The following IFIH1 variants were observed in gnomAD, a reference collection of about 807,000 sequenced individuals.
IFIH1 encodes interferon-induced helicase C domain-containing protein 1.
IFIH1 carries 125 observed loss-of-function variants against 107.4 expected under a neutral mutation model. The observed-to-expected ratio is 1.16, with a 90% CI of 1.01 to 1.35. IFIH1 has a LOEUF of 1.35. Ranked by LOEUF, IFIH1 falls within the 40% of genes most tolerant of loss-of-function variation. The pLI is 0.00. For synonymous variants in IFIH1, 458 were observed against 413.2 expected (o/e 1.11, Z -1.31); for missense variants, 1,333 against 1,213.7 (o/e 1.10, Z -1.46).
chr2:162,267,606 C>A (rs920865933), intron 14 of IFIH1, 37 bp from the exon 15 acceptor site: 11 of 1,430,146 alleles, frequency 7.7e-6, no homozygotes, highest in East Asian at 4.5e-5. Context: ...TCATGGAGAA[C>A]TGACAAAATA....
At chr2:162,292,118 GA>G (rs1176700119) in intron 4 of IFIH1, among the ~76,000 whole-genome samples, 2 of 151,796 alleles carry the variant, frequency 1.3e-5, no homozygotes, top group African/African-American at 2.4e-5. Context: ...TTTATTGAAT[GA>G]ATGGATATTA....
At chr2:162,270,897 G>A (rs1002057775) in intron 13 of IFIH1, among the ~76,000 whole-genome samples, 1 of 152,112 alleles carries the variant, frequency 6.6e-6, no homozygotes, top group African/African-American at 2.4e-5. Context: ...CTTGGAGTTG[G>A]TAATAGCAAT....
chr2:162,304,477 C>T (rs1193239459), intron 3 of IFIH1, among the ~76,000 whole-genome samples: 1 of 151,796 alleles, frequency 6.6e-6, no homozygotes, highest in Non-Finnish European at 1.5e-5. Context: ...CCCCGCCTGC[C>T]CCCAGAACCC....
Position 162,276,931 on chromosome 2 carries a change from A to G in IFIH1, c.2060T>C (p.Leu687Ser). 6.2e-7 allele frequency: 1 copy of G among 1,601,742 alleles called. No individual in the cohort carries two copies. The highest frequency in any genetic ancestry group is 8.5e-7 in the Non-Finnish European group (1 of 1,176,140). The change falls in exon 11 of 16, where the codon TTG becomes TCG. Residue 687 changes from leucine (L) to serine (S), a missense_variant. Coordinates refer to ENST00000649979, the MANE Select transcript of IFIH1 (RefSeq NM_022168.4). ...MTLFFENNKMLKRLAENPEYE... is the reference protein window; with the variant it reads ...MTLFFENNKMSKRLAENPEYE... ...TTCTGGGTTTTCAGCCAGCCTTTTC[A>G]ACATTTTATTGTTTTCTTTAAGAAA... is the stretch of plus-strand genomic sequence containing the variant.
chr2:162,267,527 C>T lies in IFIH1; in HGVS notation c.2850G>A (p.Lys950=). 2.5e-6 allele frequency: 4 copies of T among 1,613,884 alleles called. No homozygotes were observed. Among genetic ancestry groups the T allele is most frequent in the Non-Finnish European group, 3.4e-6 (4 of 1,179,746 alleles). The change falls in exon 15 of 16, where the codon AAG becomes AAA. Residue 950 remains lysine (K), a synonymous_variant. Coordinates refer to ENST00000649979, the MANE Select transcript of IFIH1 (RefSeq NM_022168.4). ...CACCATTTATTTGATAGTCGGCACA[C>T]TTCTTTTGCAGTGCTTTGTTTTCTC... is the stretch of plus-strand genomic sequence containing the variant. ...IVRENKALQK[K]CADYQINGEI...
At chr2:162,314,395 C>CTTT (rs1558877331) in intron 1 of IFIH1, among the ~76,000 whole-genome samples, 3,217 of 59,862 alleles carry the variant, frequency 0.054, 352 homozygotes, top group South Asian at 0.082. Context: ...TCCCTCCCTC[C>CTTT]CTCCTTTCTT....
intron 12 of IFIH1, among the ~76,000 whole-genome samples, chr2:162,273,272 A>G (rs1691080851): frequency 6.6e-6 from 1 of 152,156 alleles, no homozygotes. Context: ...AAAACAGAAC[A>G]TTTCACTCTT....
intron 13 of IFIH1, among the ~76,000 whole-genome samples, chr2:162,271,224 A>C (rs1044973357): frequency 2.0e-5 from 3 of 152,080 alleles, no homozygotes; most frequent in African/African-American, 7.2e-5. Context: ...CACTCCTTCT[A>C]AGAGACCTTC....
At chr2:162,307,005 A>C (rs1052530693) in intron 2 of IFIH1, 150 bp from the exon 3 acceptor site, 2 of 611,486 alleles carry the variant, frequency 3.3e-6, no homozygotes, top group African/African-American at 3.7e-5. Flanking sequence ...TCTGAATAGA[A>C]TGTAAATTGT....
At chr2:162,314,390 C>T (rs1348836511) in intron 1 of IFIH1, among the ~76,000 whole-genome samples, 22 of 56,718 alleles carry the variant, frequency 3.9e-4, no homozygotes, top group East Asian at 3.0e-3. Context: ...CTCCCTCCCT[C>T]CCTCCCTCCT....
At chr2:162,270,186 C>G (rs1691007981) in intron 13 of IFIH1, among the ~76,000 whole-genome samples, 1 of 152,088 alleles carries the variant, frequency 6.6e-6, no homozygotes, top group Non-Finnish European at 1.5e-5. Flanking sequence ...ACAGGAGGCA[C>G]AGCTACAATC....
chr2:162,312,859 A>G (rs1279131129), intron 1 of IFIH1, among the ~76,000 whole-genome samples: 1 of 152,176 alleles, frequency 6.6e-6, no homozygotes, highest in African/African-American at 2.4e-5. Flanking sequence ...AATCAGCTTT[A>G]AATATATTTG....
rs761784724 is a variant in IFIH1, at chr2:162,272,220, C to A, written c.2616+6G>T. ...GAAAATCAAATTCAGAGGTGACCAA[C>A]AATACCTTATGAGCATACTCCTCTG... On this transcript the variant is annotated splice_donor_region_variant and intron_variant, in intron 13 of 15. Transcript: ENST00000649979. 30 of 1,608,042 alleles carry A rather than the reference C, an allele frequency of 1.9e-5. No homozygotes were observed. Among genetic ancestry groups the A allele is most frequent in the Non-Finnish European group, 2.3e-5 (27 of 1,176,476 alleles).
chr2:162,280,375 T>C (rs1682784284), intron 7 of IFIH1, among the ~76,000 whole-genome samples: 1 of 152,036 alleles, frequency 6.6e-6, no homozygotes, highest in African/African-American at 2.4e-5. Context: ...GTTGGTGTAA[T>C]AACAGAGAAA....
intron 3 of IFIH1, among the ~76,000 whole-genome samples, chr2:162,297,234 C>G (rs1192400653): frequency 3.3e-5 from 5 of 151,978 alleles, no homozygotes; most frequent in African/African-American, 1.2e-4. Flanking sequence ...AGTTTAAATG[C>G]CAAGAATTTC....
chr2:162,276,661 G>GAA (rs1682672038), intron 11 of IFIH1, 26 bp downstream of exon 11: 1 of 1,577,054 alleles, frequency 6.3e-7, no homozygotes, highest in Admixed American at 2.0e-5. Context: ...GAAAAGAAAA[G>GAA]AAGTCGTCCA....
At chr2:162,275,178 G>T (rs1691128555) in intron 11 of IFIH1, among the ~76,000 whole-genome samples, 1 of 152,138 alleles carries the variant, frequency 6.6e-6, no homozygotes, top group Non-Finnish European at 1.5e-5. Context: ...ACAAGGTGAG[G>T]ATACAAGGAG....
chr2:162,277,341 A>C, intron 10 of IFIH1, 74 bp downstream of exon 10: 1 of 1,024,512 alleles, frequency 9.8e-7, no homozygotes, highest in Non-Finnish European at 1.5e-6. Context: ...CTTTTTGGAG[A>C]GCTTATGAGA....
At chr2:162,282,733 G>A (rs1682833492) in intron 5 of IFIH1, among the ~76,000 whole-genome samples, 157 bp from the exon 6 acceptor site, 1 of 151,944 alleles carries the variant, frequency 6.6e-6, no homozygotes, top group Non-Finnish European at 1.5e-5. Context: ...TCATTCATCT[G>A]TCAATAAGCA....
Sources: gnomAD v4.1 joint callset for allele counts (sites outside exome capture counted in the v4.1 genomes callset) on GRCh38, gnomAD v4.1.1 for gene constraint, MANE v1.5 for transcripts, NCBI Gene and HGNC (gene_info 2026-07-23, HGNC 2026-07-21) for gene names.